ZNF100: variants seen among roughly 807,000 people sequenced by gnomAD.
ZNF100 encodes zinc finger protein 100, also known as zinc finger protein 100 (Y1).
A neutral mutation model predicts 15.8 loss-of-function variants in ZNF100; 12 were observed. The observed-to-expected ratio is 0.76, with a 90% CI of 0.49 to 1.23. The LOEUF is 1.23. Ranked by LOEUF, ZNF100 falls within the 50% of genes most tolerant of loss-of-function variation. ZNF100 has a pLI of 0.00. For synonymous variants in ZNF100, 226 were observed against 214.8 expected, an observed-to-expected ratio of 1.05 and a Z score of -0.45; for missense variants, 670 against 635.6, an observed-to-expected ratio of 1.05 and a Z score of -0.58.
intron 4 of ZNF100, among the ~76,000 whole-genome samples, chr19:21,735,859 G>C (rs1157742521): frequency 4.6e-5 from 7 of 152,092 alleles, no homozygotes; most frequent in Admixed American, 6.5e-5. Context: ...CATGATCTTG[G>C]CTCACTGCAA....
chr19:21,745,483 A>T (rs2036195589), intron 2 of ZNF100, among the ~76,000 whole-genome samples: 1 of 151,774 alleles, frequency 6.6e-6, no homozygotes, highest in Non-Finnish European at 1.5e-5. Context: ...TTTTCAGAAG[A>T]TCTGGAATGA....
intron 2 of ZNF100, among the ~76,000 whole-genome samples, chr19:21,749,078 C>T (rs992994815): frequency 3.3e-5 from 5 of 152,130 alleles, no homozygotes. Flanking sequence ...TTAATTCAAC[C>T]GTGTATCCAG....
intron 4 of ZNF100, 74 bp from the exon 5 acceptor site, chr19:21,728,063 C>T: frequency 7.7e-7 from 1 of 1,299,778 alleles, no homozygotes; most frequent in South Asian, 2.1e-5. Flanking sequence ...CTCTAATATA[C>T]AAACTACATA....
intron 4 of ZNF100, among the ~76,000 whole-genome samples, chr19:21,735,815 G>A (rs2035999614): frequency 6.6e-6 from 1 of 152,094 alleles, no homozygotes; most frequent in Non-Finnish European, 1.5e-5. Flanking sequence ...TTGAGACGGA[G>A]TCTTACTCTG....
At position 21,765,677 on chromosome 19, in the gene ZNF100, A is replaced by G; in HGVS notation, c.96+17T>C. On this transcript the variant is annotated intron_variant, in intron 2 of 4. Coordinates refer to ENST00000358296, the MANE Select transcript of ZNF100 (RefSeq NM_173531.4). ...GCTGGGTTGGGTGAAGACAATTTTA[A>G]TGTCTCAAGGGGTTACCTTTTCAAA... 1.2e-6 allele frequency: 2 copies of G among 1,600,914 alleles called. No homozygotes were observed. Among genetic ancestry groups the G allele is most frequent in the Non-Finnish European group, 1.7e-6 (2 of 1,169,502 alleles).
chr19:21,739,692 G>A (rs1196344214), intron 4 of ZNF100, among the ~76,000 whole-genome samples: 1 of 152,076 alleles, frequency 6.6e-6, no homozygotes, highest in Non-Finnish European at 1.5e-5. Context: ...TAAAACACAT[G>A]GGCTGAGTGC....
At position 21,726,679 on chromosome 19, in the gene ZNF100, T is replaced by C. The variant is rs371583303; in HGVS notation, c.*4A>G. 12 of 1,601,632 alleles carry C rather than the reference T, an allele frequency of 7.5e-6. No individual in the cohort carries two copies. In the African/African-American group the frequency reaches 1.5e-4, roughly 20 times the overall value. On this transcript the variant is annotated 3_prime_UTR_variant, in exon 5 of 5. Transcript: ENST00000358296. The stretch of plus-strand genomic sequence containing the variant: ...AGGACTGGTAAAAGGCTTTGCCACA[T>C]TTTTCACATTTGTAGGGTTTCTCTC...
chr19:21,750,811 G>A, intron 2 of ZNF100: 1 of 424,038 alleles, frequency 2.4e-6, no homozygotes, highest in Non-Finnish European at 4.2e-6. Flanking sequence ...GGCTAGAGAA[G>A]GCGCCAGCCC....
intron 4 of ZNF100, among the ~76,000 whole-genome samples, chr19:21,729,810 A>T (rs536529499): frequency 6.6e-6 from 1 of 152,212 alleles, no homozygotes; most frequent in Admixed American, 6.5e-5. Flanking sequence ...TATACAACAT[A>T]AAAAGATATA....
chr19:21,763,730 T>C (rs1420270450), intron 2 of ZNF100, among the ~76,000 whole-genome samples: 1 of 152,084 alleles, frequency 6.6e-6, no homozygotes, highest in Non-Finnish European at 1.5e-5. Flanking sequence ...GACTTCAGGG[T>C]AAAACATTCT....
chr19:21,742,587 A>G (rs1198696606), intron 4 of ZNF100, among the ~76,000 whole-genome samples: 1 of 152,036 alleles, frequency 6.6e-6, no homozygotes, highest in African/African-American at 2.4e-5. Flanking sequence ...TATTGTGCCC[A>G]TTGTCAATGC....
chr19:21,744,581 A>G (rs1023173460), intron 3 of ZNF100, among the ~76,000 whole-genome samples: 1 of 152,048 alleles, frequency 6.6e-6, no homozygotes, highest in African/African-American at 2.4e-5. Context: ...TTTGTTGGCA[A>G]GGCTGGTCTC....
At chr19:21,732,444 C>T (rs1420367804) in intron 4 of ZNF100, among the ~76,000 whole-genome samples, 1 of 151,908 alleles carries the variant, frequency 6.6e-6, no homozygotes, top group African/African-American at 2.4e-5. Flanking sequence ...GGCAAACAAA[C>T]ACAGAGGTAA....
Position 21,724,140 on chromosome 19 carries a change from G to T in ZNF100, c.*2543C>A, listed in dbSNP as rs2035730291. 6.6e-6 allele frequency: 1 copy of T among 152,122 alleles called. No homozygotes were observed. Among genetic ancestry groups the T allele is most frequent in the Non-Finnish European group, 1.5e-5 (1 of 67,996 alleles). The allele number at this position is 152,122 out of a possible 1,614,324, so 9.4% of individuals were successfully genotyped here. On this transcript the variant is annotated 3_prime_UTR_variant, in exon 5 of 5. Coordinates refer to ENST00000358296, the MANE Select transcript of ZNF100 (RefSeq NM_173531.4). Reference sequence around the variant, plus strand: ...AGTATAAACAGAATTTTCATGGGGAGATTCAGAACTATAAGCCACAGAATG... The same window carrying T: ...AGTATAAACAGAATTTTCATGGGGATATTCAGAACTATAAGCCACAGAATG...
chr19:21,737,555 A>G (rs1478820663), intron 4 of ZNF100, among the ~76,000 whole-genome samples: 1 of 129,064 alleles, frequency 7.7e-6, no homozygotes, highest in Non-Finnish European at 1.7e-5. Context: ...AAAAAAGAAG[A>G]AAAAAAAAAA....
At chr19:21,729,659 T>C (rs942331605) in intron 4 of ZNF100, among the ~76,000 whole-genome samples, 3 of 152,136 alleles carry the variant, frequency 2.0e-5, no homozygotes, top group Non-Finnish European at 2.9e-5. Flanking sequence ...TGCACATATA[T>C]ACTTTTACTT....
intron 2 of ZNF100, 62 bp from the exon 3 acceptor site, chr19:21,745,129 T>C (rs2036189119): frequency 6.5e-7 from 1 of 1,549,958 alleles, no homozygotes; most frequent in Non-Finnish European, 8.7e-7. Context: ...CAGAATTTAT[T>C]ATTTGAATTA....
At chr19:21,736,063 C>T (rs145747687) in intron 4 of ZNF100, among the ~76,000 whole-genome samples, 2,467 of 152,238 alleles carry the variant, frequency 0.016, 32 homozygotes, top group Middle Eastern at 0.044. Flanking sequence ...GCTGGCATTA[C>T]AGGCGTGAGC....
intron 2 of ZNF100, among the ~76,000 whole-genome samples, chr19:21,754,528 C>T (rs2036361569): frequency 6.6e-6 from 1 of 152,092 alleles, no homozygotes; most frequent in Non-Finnish European, 1.5e-5. Flanking sequence ...CTGACAAAAG[C>T]AATGGGGAAA....
Sources: gnomAD v4.1 joint callset for allele counts (sites outside exome capture counted in the v4.1 genomes callset) on GRCh38, gnomAD v4.1.1 for gene constraint, MANE v1.5 for transcripts, NCBI Gene and HGNC (gene_info 2026-07-23, HGNC 2026-07-21) for gene names.